DNAJC1: variants seen among roughly 807,000 people sequenced by gnomAD.
DNAJC1 encodes dnaJ homolog subfamily C member 1.
DNAJC1 carries 58 observed loss-of-function variants against 76.6 expected under a neutral mutation model. The observed-to-expected ratio is 0.76, with a 90% CI of 0.61 to 0.94. The LOEUF is 0.94. DNAJC1 is among the 40% of genes least tolerant of loss of function. The pLI is 0.00. For missense variants in DNAJC1, 689 were observed against 677.3 expected (o/e 1.02, Z -0.19); for synonymous variants, 258 against 267.9 (o/e 0.96, Z 0.36).
chr10:21,846,878 A>AT (rs1159489494), intron 8 of DNAJC1, among the ~76,000 whole-genome samples: 35 of 149,618 alleles, frequency 2.3e-4, no homozygotes, highest in African/African-American at 7.6e-4. Flanking sequence ...ATGGATAATG[A>AT]CTTTTTTTTT....
chr10:21,889,869 T>C (rs925938098), intron 7 of DNAJC1, among the ~76,000 whole-genome samples: 2 of 152,108 alleles, frequency 1.3e-5, no homozygotes, highest in African/African-American at 2.4e-5. Flanking sequence ...AGACAGAAAG[T>C]AGTGTTACCC....
intron 7 of DNAJC1, among the ~76,000 whole-genome samples, chr10:21,902,394 T>A (rs1785387971): frequency 6.6e-6 from 1 of 152,150 alleles, no homozygotes; most frequent in Non-Finnish European, 1.5e-5. Context: ...AATGTCTGCC[T>A]CCCGGGTTCA....
intron 9 of DNAJC1, among the ~76,000 whole-genome samples, chr10:21,779,069 G>A (rs1052822551): frequency 5.3e-5 from 8 of 152,236 alleles, no homozygotes; most frequent in Non-Finnish European, 8.8e-5. Flanking sequence ...CCATTGCTGA[G>A]GCTTGAGTAG....
chr10:21,835,106 C>G (rs1835427848), intron 8 of DNAJC1, among the ~76,000 whole-genome samples: 1 of 152,216 alleles, frequency 6.6e-6, no homozygotes, highest in South Asian at 2.1e-4. Flanking sequence ...CCTCACACAG[C>G]CGGGTACTCC....
chr10:21,837,359 T>G (rs113040034), intron 8 of DNAJC1, among the ~76,000 whole-genome samples: 2,065 of 152,104 alleles, frequency 0.014, 23 homozygotes, highest in Non-Finnish European at 0.021. Context: ...GAAGCGTCTC[T>G]GCCTGGCCGC....
At chr10:21,946,933 T>A (rs1221844151) in intron 1 of DNAJC1, among the ~76,000 whole-genome samples, 1 of 152,148 alleles carries the variant, frequency 6.6e-6, no homozygotes, top group African/African-American at 2.4e-5. Context: ...CATGAACGGA[T>A]TAATGGCATA....
chr10:21,822,263 A>AC (rs1193502281), intron 8 of DNAJC1, among the ~76,000 whole-genome samples: 1 of 151,852 alleles, frequency 6.6e-6, no homozygotes, highest in Admixed American at 6.6e-5. Context: ...ACATGGTGAA[A>AC]CCCCATCTCT....
intron 9 of DNAJC1, among the ~76,000 whole-genome samples, chr10:21,776,028 A>G (rs1419605967): frequency 2.0e-5 from 3 of 152,190 alleles, no homozygotes; most frequent in African/African-American, 7.2e-5. Context: ...TGCTTATGCA[A>G]TTGGGGACCT....
At chr10:21,962,141 C>A (rs1837804372) in intron 1 of DNAJC1, among the ~76,000 whole-genome samples, 1 of 152,124 alleles carries the variant, frequency 6.6e-6, no homozygotes, top group South Asian at 2.1e-4. Flanking sequence ...AGAATTGTAA[C>A]TAGTACATAA....
intron 1 of DNAJC1, among the ~76,000 whole-genome samples, chr10:21,986,426 T>C (rs1838249271): frequency 6.6e-6 from 1 of 152,214 alleles, no homozygotes; most frequent in Non-Finnish European, 1.5e-5. Flanking sequence ...TACCTTTTCA[T>C]GTGCTTATTA....
At chr10:21,800,122 CA>C (rs1168967074) in intron 9 of DNAJC1, among the ~76,000 whole-genome samples, 1 of 152,152 alleles carries the variant, frequency 6.6e-6, no homozygotes, top group Admixed American at 6.5e-5. Context: ...ATTTACTGAA[CA>C]ATGATCTTGC....
intron 9 of DNAJC1, among the ~76,000 whole-genome samples, chr10:21,775,694 C>T (rs538322850): frequency 6.6e-6 from 1 of 152,080 alleles, no homozygotes. Context: ...TCAAATAGTA[C>T]ATAATACATT....
At chr10:21,931,299 G>T (rs1045961918) in intron 1 of DNAJC1, among the ~76,000 whole-genome samples, 4 of 152,108 alleles carry the variant, frequency 2.6e-5, no homozygotes, top group African/African-American at 9.7e-5. Context: ...CTCTTCTAAG[G>T]AACAGGGCTC....
Position 21,919,832 on chromosome 10 carries a change from C to T in DNAJC1, c.635G>A (p.Arg212Lys). ...ATAAAGTATTTTTATATGCTCTCACCTTTCATTTTTTTCTGAAGCACCGAG... is the reference window on the plus strand; with the variant it reads ...ATAAAGTATTTTTATATGCTCTCACTTTTCATTTTTTTCTGAAGCACCGAG... Reference protein sequence around the residue: ...SKLGASEKNERLLMKPQWHDL... With the variant: ...SKLGASEKNEKLLMKPQWHDL... The change falls in exon 5 of 12, where the codon AGA becomes AAA. Residue 212 changes from arginine (R) to lysine (K), a missense_variant and splice_region_variant. Transcript: ENST00000376980. 4 of 1,598,490 alleles carry T rather than the reference C, an allele frequency of 2.5e-6. No individual in the cohort carries two copies. The highest frequency in any genetic ancestry group is 2.6e-6 in the Non-Finnish European group (3 of 1,173,776).
chr10:21,966,178 C>T (rs1428245491), intron 1 of DNAJC1, among the ~76,000 whole-genome samples: 1 of 152,088 alleles, frequency 6.6e-6, no homozygotes, highest in Non-Finnish European at 1.5e-5. Flanking sequence ...TTATATTGTA[C>T]CCATCTCTGT....
Position 22,003,542 on chromosome 10 carries a change from G to A in DNAJC1, c.-108C>T, listed in dbSNP as rs1590088919. 1 of 1,232,900 alleles carries A rather than the reference G, an allele frequency of 8.1e-7. No individual in the cohort carries two copies. The highest frequency in any genetic ancestry group is 1.0e-6 in the Non-Finnish European group (1 of 979,680). The allele number at this position is 1,232,900 out of a possible 1,614,324, so 76.4% of individuals were successfully genotyped here. ...AACAGCGCCTGTCAGTGAAAAGCGC[G>A]GGCAGGCGCACCGGAGCGGCCCGCC... On this transcript the variant is annotated 5_prime_UTR_variant, in exon 1 of 12. Transcript: ENST00000376980.
chr10:21,888,417 C>T (rs117361988), intron 7 of DNAJC1, among the ~76,000 whole-genome samples: 2,100 of 152,136 alleles, frequency 0.014, 27 homozygotes, highest in Non-Finnish European at 0.023. Context: ...ATCATTCTAC[C>T]GTAAAGACAC....
intron 4 of DNAJC1, 104 bp downstream of exon 4, chr10:21,920,694 G>C: frequency 1.9e-6 from 2 of 1,046,768 alleles, no homozygotes; most frequent in South Asian, 3.9e-5. Context: ...AGAATGAGAA[G>C]TATACAGAGA....
chr10:21,997,422 A>T (rs10764330), intron 1 of DNAJC1, among the ~76,000 whole-genome samples: 15 of 152,048 alleles, frequency 9.9e-5, no homozygotes, highest in Non-Finnish European at 1.8e-4. Context: ...CTCAAGGGTA[A>T]GTCTGGTTAG....
Sources: gnomAD v4.1 joint callset for allele counts (sites outside exome capture counted in the v4.1 genomes callset) on GRCh38, gnomAD v4.1.1 for gene constraint, MANE v1.5 for transcripts, NCBI Gene and HGNC (gene_info 2026-07-23, HGNC 2026-07-21) for gene names.